FRMD6: variants seen among roughly 807,000 people sequenced by gnomAD.
FRMD6 encodes FERM domain containing 6, also known as FERM domain-containing protein 6.
Under a neutral mutation model 73.2 loss-of-function variants are expected in FRMD6, and 37 were observed. That is an observed-to-expected ratio of 0.51 (90% confidence interval 0.39 to 0.66). The LOEUF (loss-of-function observed/expected upper bound fraction) is 0.66, where lower values mean the gene tolerates loss of function less well. FRMD6 is among the 30% of genes least tolerant of loss of function. The pLI is 0.00. For synonymous variants in FRMD6, 273 were observed against 282.2 expected (o/e 0.97, Z 0.33); for missense variants, 714 against 780.5 (o/e 0.91, Z 1.02).
chr14:51,703,330 G>T (rs974065760), intron 5 of FRMD6, among the ~76,000 whole-genome samples: 2 of 151,962 alleles, frequency 1.3e-5, no homozygotes, highest in African/African-American at 4.8e-5. Context: ...ACTCTGTTTT[G>T]CTTATATATT....
chr14:51,692,495 TAC>T (rs1377995193), intron 2 of FRMD6, among the ~76,000 whole-genome samples: 1 of 149,584 alleles, frequency 6.7e-6, no homozygotes, highest in Admixed American at 6.7e-5. Flanking sequence ...TGTGTGTGTG[TAC>T]ACACACAAGC....
chr14:51,671,611 T>C (rs1430362129), intron 1 of FRMD6, among the ~76,000 whole-genome samples: 1 of 152,196 alleles, frequency 6.6e-6, no homozygotes, highest in Non-Finnish European at 1.5e-5. Flanking sequence ...TGAATTCTGC[T>C]GAAATTGAGG....
the FRMD6 span, chr14:51,436,985 C>T: frequency 1.2e-6 from 1 of 851,154 alleles, no homozygotes; most frequent in East Asian, 3.3e-5. Context: ...TGGATTCCAA[C>T]CTTCTTTTTT....
At position 51,570,006 on chromosome 14, in the gene FRMD6, G is replaced by A. The variant is rs571288583; in HGVS notation, c.-209-342G>A. Among the ~76,000 whole-genome samples, 120 of 151,950 alleles carry A rather than the reference G, an allele frequency of 7.9e-4. 1 individual carries two copies. Among genetic ancestry groups the A allele is most frequent in the African/African-American group, 2.0e-3 (81 of 41,456 alleles). On this transcript the variant is annotated intron_variant, in intron 1 of 14. Transcript: ENST00000356218. ...AATTTTATGTATTTTTAGTAGAGAC[G>A]GGGTTTCACCATGTTAGCCAGGATG...
chr14:51,396,860 T>A, the FRMD6 span: 1 of 152,326 alleles, frequency 6.6e-6, no homozygotes, highest in Non-Finnish European at 1.5e-5. Context: ...CAACCTCCTT[T>A]TTTATATGTG....
At position 51,727,742 on chromosome 14, in the gene FRMD6, C is replaced by T. The variant is rs779702942; in HGVS notation, c.1585-3C>T. On this transcript the variant is annotated splice_polypyrimidine_tract_variant and splice_region_variant and intron_variant, in intron 13 of 13. Coordinates refer to ENST00000344768, the MANE Select transcript of FRMD6 (RefSeq NM_001267046.2). ...GTTGTTTCATCCTTCCCTTATCTTG[C>T]AGACTATATGTCGGAAACCAAAGAC... The T allele has an allele frequency of 1.3e-6, 2 of 1,587,578 alleles. No individual in the cohort carries two copies. The highest frequency in any genetic ancestry group is 2.2e-5 in the South Asian group (2 of 89,500).
the FRMD6 span, among the ~76,000 whole-genome samples, chr14:51,482,113 G>C: frequency 6.6e-6 from 1 of 152,180 alleles, no homozygotes; most frequent in Non-Finnish European, 1.5e-5. Context: ...GTCTAGCAAA[G>C]GGTAACAGTC....
At chr14:51,401,053 A>G in the FRMD6 span, among the ~76,000 whole-genome samples, 29 of 152,232 alleles carry the variant, frequency 1.9e-4, no homozygotes, top group African/African-American at 7.0e-4. Context: ...AGCACTTTCA[A>G]ATTTTTCTTC....
chr14:51,693,510 G>GT (rs1347453368), intron 2 of FRMD6, among the ~76,000 whole-genome samples: 1 of 152,076 alleles, frequency 6.6e-6, no homozygotes, highest in Non-Finnish European at 1.5e-5. Flanking sequence ...TAGTTGTTTT[G>GT]TTTTGTTGCT....
chr14:51,696,345 T>G (rs2140410883), intron 2 of FRMD6, among the ~76,000 whole-genome samples: 2 of 151,394 alleles, frequency 1.3e-5, no homozygotes, highest in Admixed American at 1.3e-4. Flanking sequence ...ATAATACTAC[T>G]TTAAACATTT....
At chr14:51,633,063 A>C (rs1328727162) in intron 2 of FRMD6, among the ~76,000 whole-genome samples, 1 of 152,224 alleles carries the variant, frequency 6.6e-6, no homozygotes, top group Non-Finnish European at 1.5e-5. Context: ...AATTTGCTTT[A>C]AAATATCTAA....
chr14:51,541,101 G>C (rs539365929), intron 1 of FRMD6, among the ~76,000 whole-genome samples: 15 of 152,194 alleles, frequency 9.9e-5, no homozygotes, highest in African/African-American at 3.6e-4. Flanking sequence ...TTGATGTGGG[G>C]TGTCTTAGAG....
intron 2 of FRMD6, among the ~76,000 whole-genome samples, chr14:51,642,177 T>C (rs1264982136): frequency 6.6e-6 from 1 of 152,226 alleles, no homozygotes; most frequent in Non-Finnish European, 1.5e-5. Context: ...TTTCTGAGTC[T>C]GCTCAGAAGG....
At chr14:51,676,565 G>C (rs990192166) in intron 1 of FRMD6, among the ~76,000 whole-genome samples, 2 of 152,124 alleles carry the variant, frequency 1.3e-5, no homozygotes, top group Admixed American at 6.6e-5. Flanking sequence ...TTTCATACTT[G>C]TCCTGCCTTA....
intron 2 of FRMD6, among the ~76,000 whole-genome samples, chr14:51,585,939 G>GTGTGTATATATA: frequency 9.6e-5 from 3 of 31,398 alleles, no homozygotes; most frequent in African/African-American, 1.4e-4. Flanking sequence ...GTGTGTGTGT[G>GTGTGTATATATA]TATATATATA....
chr14:51,552,268 C>T (rs191146840), intron 1 of FRMD6, among the ~76,000 whole-genome samples: 161 of 152,342 alleles, frequency 1.1e-3, no homozygotes, highest in African/African-American at 3.7e-3. Context: ...CATAACTTTT[C>T]ATTTTAGAAC....
At chr14:51,685,530 C>CAG (rs1348696520) in intron 1 of FRMD6, among the ~76,000 whole-genome samples, 1 of 152,166 alleles carries the variant, frequency 6.6e-6, no homozygotes, top group Admixed American at 6.5e-5. Context: ...TGAACAAAAA[C>CAG]AGAACTCATT....
chr14:51,575,675 A>G (rs1234236451), intron 2 of FRMD6: 1 of 152,120 alleles, frequency 6.6e-6, no homozygotes, highest in African/African-American at 2.4e-5. Context: ...TGATTTCTTA[A>G]TGGGATTCAG....
rs543181919 is a variant in FRMD6, at chr14:51,506,137, T to C, written c.-210+16717T>C. Among the ~76,000 whole-genome samples, 3 of 152,326 alleles carry C rather than the reference T, an allele frequency of 2.0e-5. No individual in the cohort carries two copies. In the South Asian group the frequency reaches 6.2e-4, roughly 32 times the overall value. On this transcript the variant is annotated intron_variant, in intron 1 of 14. Transcript: ENST00000356218. ...CTTTGGTGACACTGCTTATGCTCTT[T>C]CCTCTGCATGAAATGGCCTTTTCCT...
Sources: allele counts gnomAD v4.1 joint callset (sites outside exome capture counted in the v4.1 genomes callset), GRCh38; gene constraint gnomAD v4.1.1; transcripts MANE v1.5; gene names NCBI Gene and HGNC (gene_info 2026-07-23, HGNC 2026-07-21).